The following COG6 variants were observed in gnomAD, a reference collection of about 807,000 sequenced individuals.
The protein encoded by COG6 is component of oligomeric golgi complex 6.
COG6 carries 74 observed loss-of-function variants against 88.8 expected under a neutral mutation model. The ratio of observed to expected loss-of-function variants is 0.83; its 90% CI spans 0.69 to 1.01. The LOEUF is 1.01. Ranked by LOEUF, COG6 falls within the 50% of genes least tolerant of loss-of-function variation. COG6 has a pLI of 0.00. For missense variants in COG6, 800 were observed against 797.9 expected, an observed-to-expected ratio of 1.00 and a Z score of -0.03; for synonymous variants, 286 against 278.7, an observed-to-expected ratio of 1.03 and a Z score of -0.26.
chr13:39,775,611 G>C (rs1881440283), intron 18 of COG6, among the ~76,000 whole-genome samples: 1 of 152,072 alleles, frequency 6.6e-6, no homozygotes, highest in Non-Finnish European at 1.5e-5. Context: ...CTCACATCCT[G>C]TGACCTTGCT....
At chr13:39,788,197 C>A in intron 18 of COG6, 1 of 879,066 alleles carries the variant, frequency 1.1e-6, no homozygotes, top group Non-Finnish European at 1.9e-6. Context: ...ACGTACTCCA[C>A]CACATGGTAA....
chr13:39,680,699 T>A (rs931375405), intron 7 of COG6, among the ~76,000 whole-genome samples: 2 of 152,204 alleles, frequency 1.3e-5, no homozygotes, highest in East Asian at 3.8e-4. Context: ...TGAGGGTTTT[T>A]CCCAGTTTCT....
intron 18 of COG6, among the ~76,000 whole-genome samples, chr13:39,739,093 AAAACATTCATG>A (rs1395764601): frequency 1.3e-5 from 2 of 152,128 alleles, no homozygotes; most frequent in African/African-American, 4.8e-5. Flanking sequence ...AAGTACGGAT[AAAACATTCATG>A]AAACTAATGT....
intron 11 of COG6, among the ~76,000 whole-genome samples, chr13:39,693,548 C>G (rs1269489128): frequency 1.3e-5 from 2 of 151,768 alleles, no homozygotes; most frequent in African/African-American, 4.8e-5. Context: ...CTGTTAAGGC[C>G]TTGATTTAAA....
chr13:39,747,306 C>G lies in COG6; in HGVS notation c.1827-3640C>G, dbSNP rs372846412. The stretch of plus-strand genomic sequence containing the variant: ...TGGAATCACACTGTCAGCCAGAGTT[C>G]TTGGTCTTTATAATTTAAGTTTGAC... On this transcript the variant is annotated intron_variant, in intron 18 of 18. Coordinates refer to ENST00000455146, the MANE Select transcript of COG6 (RefSeq NM_020751.3). Among the ~76,000 whole-genome samples, 34 of 152,282 alleles carry G rather than the reference C, an allele frequency of 2.2e-4. No individual in the cohort carries two copies. In the South Asian group the frequency reaches 6.8e-3, roughly 31 times the overall value.
chr13:39,745,226 C>T (rs888331123), intron 18 of COG6, among the ~76,000 whole-genome samples: 30 of 152,028 alleles, frequency 2.0e-4, no homozygotes, highest in African/African-American at 7.2e-4. Context: ...GCAACAAAAG[C>T]CAAAGTAGGA....
At chr13:39,714,648 G>T (rs1428484855) in intron 13 of COG6, among the ~76,000 whole-genome samples, 1 of 151,964 alleles carries the variant, frequency 6.6e-6, no homozygotes, top group African/African-American at 2.4e-5. Context: ...ATGGTGAAAG[G>T]GAATGCTTAT....
At chr13:39,718,849 C>T (rs1018649179) in intron 13 of COG6, among the ~76,000 whole-genome samples, 1 of 151,960 alleles carries the variant, frequency 6.6e-6, no homozygotes, top group Non-Finnish European at 1.5e-5. Context: ...GAGTAGGTGA[C>T]GTTTCTCAAT....
chr13:39,700,821 T>G (rs1034440681), intron 13 of COG6, among the ~76,000 whole-genome samples: 1 of 151,904 alleles, frequency 6.6e-6, no homozygotes, highest in Non-Finnish European at 1.5e-5. Context: ...CAAACTTATC[T>G]GTACTCCTTT....
chr13:39,720,931 T>C (rs9548896), intron 15 of COG6, among the ~76,000 whole-genome samples: 62,560 of 151,770 alleles, frequency 0.41, 13,258 homozygotes, highest in Admixed American at 0.57. Flanking sequence ...CCTCCCAATG[T>C]AGCTATATTA....
intron 4 of COG6, among the ~76,000 whole-genome samples, chr13:39,675,574 T>G (rs1184675069): frequency 6.6e-6 from 1 of 152,172 alleles, no homozygotes; most frequent in East Asian, 1.9e-4. Context: ...TAGCTATATA[T>G]AGAGCCTGTG....
At chr13:39,746,199 T>C (rs1880341161) in intron 18 of COG6, among the ~76,000 whole-genome samples, 2 of 151,908 alleles carry the variant, frequency 1.3e-5, no homozygotes, top group African/African-American at 4.8e-5. Flanking sequence ...AACTGGCATG[T>C]TGTGCACATG....
Position 39,735,953 on chromosome 13 carries a change from G to T in COG6, c.1826+8405G>T, listed in dbSNP as rs540259916. Among the ~76,000 whole-genome samples the T allele has an allele frequency of 2.6e-5, 4 of 151,900 alleles. No homozygotes were observed. The East Asian group carries it at 7.7e-4, about 29-fold the overall frequency. On this transcript the variant is annotated intron_variant, in intron 18 of 18. Transcript: ENST00000455146. ...TTACGTTCTTTTTCTTTGGCCTTTGGGAGTTTGATTATTAAAGGTCTTGAG... is the reference window on the plus strand; with the variant it reads ...TTACGTTCTTTTTCTTTGGCCTTTGTGAGTTTGATTATTAAAGGTCTTGAG...
At chr13:39,787,395 GGT>G (rs1055981059) in intron 18 of COG6, among the ~76,000 whole-genome samples, 1 of 151,766 alleles carries the variant, frequency 6.6e-6, no homozygotes. Flanking sequence ...TGGTGTGTGT[GGT>G]GTGTGTGTGT....
At chr13:39,677,426 T>TG (rs1378343120) in intron 4 of COG6, 42 bp from the exon 5 acceptor site, 1 of 1,103,882 alleles carries the variant, frequency 9.1e-7, no homozygotes. Context: ...TATGCAACTG[T>TG]GTAAGATGCT....
chr13:39,765,398 G>A (rs1321954953), intron 18 of COG6, among the ~76,000 whole-genome samples: 1 of 152,182 alleles, frequency 6.6e-6, no homozygotes, highest in Non-Finnish European at 1.5e-5. Flanking sequence ...GATTGGGTGA[G>A]TGGGATTCTG....
chr13:39,714,224 G>GT (rs143237550), intron 13 of COG6, among the ~76,000 whole-genome samples: 104,865 of 149,732 alleles, frequency 0.7, 36,980 homozygotes, highest in Admixed American at 0.81. Flanking sequence ...ATTTTTGAAA[G>GT]TTTTTTTTTT....
At chr13:39,678,831 T>C (rs1435952002) in intron 5 of COG6, among the ~76,000 whole-genome samples, 1 of 152,186 alleles carries the variant, frequency 6.6e-6, no homozygotes, top group Non-Finnish European at 1.5e-5. Flanking sequence ...TATTAGTATG[T>C]ACTGCCCTCA....
chr13:39,719,843 A>C lies in COG6; in HGVS notation c.1584+16A>C. 6.3e-7 allele frequency: 1 copy of C among 1,590,998 alleles called. No individual in the cohort carries two copies. Among genetic ancestry groups the C allele is most frequent in the African/African-American group, 1.3e-5 (1 of 74,526 alleles). ...ACAGTTTCAGGTAAATTTTTCTATAAAATGACTATTGACTATGATTGAATC... is the reference window on the plus strand; with the variant it reads ...ACAGTTTCAGGTAAATTTTTCTATACAATGACTATTGACTATGATTGAATC... On this transcript the variant is annotated intron_variant, in intron 15 of 18. Transcript: ENST00000455146.
Sources: gnomAD v4.1 joint callset for allele counts (sites outside exome capture counted in the v4.1 genomes callset) on GRCh38, gnomAD v4.1.1 for gene constraint, MANE v1.5 for transcripts, NCBI Gene and HGNC (gene_info 2026-07-23, HGNC 2026-07-21) for gene names.